CUX1: variants seen among roughly 807,000 people sequenced by gnomAD.
CUX1 encodes cut like homeobox 1, also known as protein CASP.
CUX1 carries 31 observed loss-of-function variants against 158.8 expected under a neutral mutation model. The observed-to-expected ratio is 0.20, with a 90% CI of 0.15 to 0.26. The LOEUF is 0.26. Among genes scored for constraint, CUX1 ranks in the 10% least tolerant of loss-of-function variants. CUX1 has a pLI of 1.00. For synonymous variants in CUX1, 879 were observed against 862.1 expected (o/e 1.02, Z -0.34); for missense variants, 1,589 against 2,014.6 (o/e 0.79, Z 4.04).
At chr7:102,044,235 G>A (rs989309025) in intron 3 of CUX1, among the ~76,000 whole-genome samples, 23 of 151,694 alleles carry the variant, frequency 1.5e-4, no homozygotes, top group African/African-American at 4.6e-4. Context: ...GGCTGGAGAG[G>A]CTGGAGTGCA....
At position 102,164,232 on chromosome 7, in the gene CUX1, T is replaced by G. The variant is rs150656775; in HGVS notation, c.723+5624T>G. Among the ~76,000 whole-genome samples, 1,095 of 152,330 alleles carry G rather than the reference T, an allele frequency of 7.2e-3. 17 individuals are homozygous for G. The highest frequency in any genetic ancestry group is 0.025 in the African/African-American group (1,050 of 41,572). On this transcript the variant is annotated intron_variant, in intron 9 of 23. Coordinates refer to ENST00000292535, the MANE Select transcript of CUX1 (RefSeq NM_181552.4). Reference sequence around the variant, plus strand: ...TCTGAGCAGTGGTGATCCGAGTTGCTGGTGGGTCTCAAACTCCTGGGCTCA... The same window carrying G: ...TCTGAGCAGTGGTGATCCGAGTTGCGGGTGGGTCTCAAACTCCTGGGCTCA...
At chr7:101,878,281 C>T (rs549571126) in intron 1 of CUX1, among the ~76,000 whole-genome samples, 12 of 152,286 alleles carry the variant, frequency 7.9e-5, no homozygotes, top group Middle Eastern at 3.4e-3. Context: ...CTTGGAATAA[C>T]GCCACTTCCT....
intron 3 of CUX1, among the ~76,000 whole-genome samples, chr7:102,047,381 A>G (rs1822937969): frequency 1.3e-5 from 2 of 151,772 alleles, no homozygotes; most frequent in South Asian, 4.2e-4. Context: ...GGATGATTGG[A>G]TAGAAGGATG....
At chr7:102,269,790 C>T (rs1447488609) in intron 14 of CUX1, among the ~76,000 whole-genome samples, 10 of 151,346 alleles carry the variant, frequency 6.6e-5, no homozygotes, top group African/African-American at 1.4e-4. Flanking sequence ...AAGTTCCAAA[C>T]TTTCCCTCAT....
chr7:102,191,878 A>C (rs1554517100), intron 12 of CUX1, among the ~76,000 whole-genome samples: 1 of 150,744 alleles, frequency 6.6e-6, no homozygotes, highest in African/African-American at 2.5e-5. Context: ...AGCCTGCAAC[A>C]CATACCGTTC....
chr7:102,034,751 C>CAAAA (rs33994794), intron 3 of CUX1, among the ~76,000 whole-genome samples: 43 of 117,898 alleles, frequency 3.6e-4, no homozygotes, highest in African/African-American at 1.3e-3. Context: ...GACTCCGTCT[C>CAAAA]AAAAAAAAAA....
At position 102,070,414 on chromosome 7, in the gene CUX1, C is replaced by T; in HGVS notation, c.265C>T (p.Pro89Ser). The change falls in exon 4 of 24, where the codon CCA (proline) becomes TCA (serine). Residue 89 changes from proline (P) to serine (S), a missense_variant. Coordinates refer to ENST00000292535, the MANE Select transcript of CUX1 (RefSeq NM_181552.4). ...TGTCTACAAAAGATTGATTGACGTC[C>T]CAGGTAAGCCCCGGCAGTAATGGCC... is the stretch of plus-strand genomic sequence containing the variant. ...LNVYKRLIDVPDPVPALDLGQ... is the reference protein window; with the variant it reads ...LNVYKRLIDVSDPVPALDLGQ... 1 of 1,607,956 alleles carries T rather than the reference C, an allele frequency of 6.2e-7. No homozygotes were observed. Among genetic ancestry groups the T allele is most frequent in the Non-Finnish European group, 8.5e-7 (1 of 1,178,102 alleles).
chr7:101,979,073 C>T (rs1470280310), intron 2 of CUX1, among the ~76,000 whole-genome samples: 5 of 152,172 alleles, frequency 3.3e-5, no homozygotes, highest in Non-Finnish European at 7.3e-5. Context: ...ACCTTTAAAG[C>T]CAAGAGTGTC....
chr7:102,089,445 C>G (rs528474150), intron 4 of CUX1, among the ~76,000 whole-genome samples: 1 of 152,310 alleles, frequency 6.6e-6, no homozygotes, highest in African/African-American at 2.4e-5. Flanking sequence ...ACTTGCAGGT[C>G]AGTTTGATCA....
chr7:101,840,957 G>C (rs567809470), intron 1 of CUX1, among the ~76,000 whole-genome samples: 3 of 151,666 alleles, frequency 2.0e-5, no homozygotes, highest in Non-Finnish European at 4.4e-5. Context: ...GCAGTGGCGC[G>C]ATCTCAGCTC....
At chr7:101,919,480 G>A (rs548739806) in intron 2 of CUX1, among the ~76,000 whole-genome samples, 3 of 152,274 alleles carry the variant, frequency 2.0e-5, no homozygotes, top group African/African-American at 4.8e-5. Flanking sequence ...CTGGCTTACC[G>A]GGAGGAGGGT....
intron 1 of CUX1, among the ~76,000 whole-genome samples, chr7:101,892,854 T>A (rs1380008500): frequency 6.6e-6 from 1 of 152,144 alleles, no homozygotes; most frequent in Non-Finnish European, 1.5e-5. Flanking sequence ...GCTTTAATAT[T>A]TATTATATGA....
At chr7:102,265,114 G>A (rs1222710902) in intron 14 of CUX1, 1 of 152,162 alleles carries the variant, frequency 6.6e-6, no homozygotes, top group Non-Finnish European at 1.5e-5. Context: ...CCAGCACTTT[G>A]GGAGGCCAAG....
chr7:101,817,076 C>T (rs1562877512), upstream of CUX1: 3 of 984,430 alleles, frequency 3.0e-6, no homozygotes, highest in African/African-American at 1.8e-5. This position sits in a 1 kb window ranked among gnomAD's most constrained non-coding sequence, Gnocchi z 4.1. Context: ...CGAGGGGCGG[C>T]GGGGGTGCCC....
intron 2 of CUX1, among the ~76,000 whole-genome samples, chr7:101,937,121 G>A (rs1807035559): frequency 6.6e-6 from 1 of 152,130 alleles, no homozygotes; most frequent in African/African-American, 2.4e-5. Context: ...CCCCTGCCGG[G>A]ACTGTGTTTG....
intron 2 of CUX1, among the ~76,000 whole-genome samples, chr7:101,962,849 T>C (rs1810684579): frequency 6.6e-6 from 1 of 152,030 alleles, no homozygotes; most frequent in Admixed American, 6.6e-5. Context: ...GCCTCCTGAG[T>C]AGCTGGGACT....
At chr7:101,895,348 A>G (rs996469023) in intron 1 of CUX1, among the ~76,000 whole-genome samples, 9 of 152,218 alleles carry the variant, frequency 5.9e-5, no homozygotes, top group Non-Finnish European at 1.3e-4. Context: ...AGGCTTCCCC[A>G]TTGTAGCCAC....
chr7:101,980,429 C>T (rs1467180939), intron 2 of CUX1, among the ~76,000 whole-genome samples: 1 of 152,196 alleles, frequency 6.6e-6, no homozygotes, highest in African/African-American at 2.4e-5. Flanking sequence ...AGGATTGCTC[C>T]ACCCGAGAGG....
intron 1 of CUX1, chr7:101,824,841 T>A (rs1214329590): frequency 2.0e-5 from 3 of 152,252 alleles, no homozygotes; most frequent in Non-Finnish European, 4.4e-5. Flanking sequence ...GGGAATCGTA[T>A]ACATGTAACG....
Sources: gnomAD v4.1 joint callset for allele counts (sites outside exome capture counted in the v4.1 genomes callset) on GRCh38, gnomAD v4.1.1 for gene constraint, Gnocchi (gnomAD v3.1) non-coding constraint, MANE v1.5 for transcripts, NCBI Gene and HGNC (gene_info 2026-07-23, HGNC 2026-07-21) for gene names.